PORCN: variants seen among roughly 807,000 people sequenced by gnomAD.
The protein encoded by PORCN is porcupine O-acyltransferase, also known as protein-serine O-palmitoleoyltransferase porcupine.
Under a neutral mutation model 43.0 loss-of-function variants are expected in PORCN, and 1 was observed. That is an observed-to-expected ratio of 0.02 (90% CI 0.01 to 0.11). The LOEUF is 0.11. PORCN is among the 10% of genes least tolerant of loss of function. The pLI, the probability that PORCN is intolerant of heterozygous loss-of-function variation, is 1.00. For missense variants in PORCN, 240 were observed against 392.1 expected, an observed-to-expected ratio of 0.61 and a Z score of 3.28; for synonymous variants, 148 against 166.4, an observed-to-expected ratio of 0.89 and a Z score of 0.85.
intron 1 of PORCN, chrX:48,509,528 T>C (rs1556973388): frequency 9.5e-7 from 1 of 1,053,799 alleles, no homozygotes; most frequent in Non-Finnish European, 1.2e-6. Context: ...ACTGGACTGT[T>C]CACAGCACTG....
rs1398971930 is a variant in PORCN, at chrX:48,512,700, G to A, written c.667G>A (p.Gly223Ser). 10 of 1,210,714 alleles carry A rather than the reference G, an allele frequency of 8.3e-6. No individual in the cohort carries two copies. The East Asian group carries it at 8.9e-5, about 11-fold the overall frequency. ...CTTCCCGTACTTCATCCCCCTCAACGGTGACCGCCTCCTTCGCAAGTGAGC... is the reference window on the plus strand; with the variant it reads ...CTTCCCGTACTTCATCCCCCTCAACAGTGACCGCCTCCTTCGCAAGTGAGC... Reference protein sequence around the residue: ...YLFPYFIPLNGDRLLRNKKRK... With the variant: ...YLFPYFIPLNSDRLLRNKKRK... Residue 223 changes from glycine (G) to serine (S), a missense_variant, in exon 6 of 15, where the codon GGT (glycine) becomes AGT (serine). By Grantham distance (56) the Gly-to-Ser change is moderately conservative. Transcript: ENST00000326194.
At chrX:48,516,197 G>C (rs367714008) in intron 13 of PORCN, 51 bp downstream of exon 13, 1 of 1,108,443 alleles carries the variant, frequency 9.0e-7, no homozygotes. Context: ...TGTCAAAAAT[G>C]TTCCTTCTAT....
rs1264797373 is a variant in PORCN, at chrX:48,515,719, G to C, written c.949G>C (p.Val317Leu). 2 of 1,205,579 alleles carry C rather than the reference G, an allele frequency of 1.7e-6. No individual in the cohort carries two copies. Among genetic ancestry groups the C allele is most frequent in the African/African-American group, 3.5e-5 (2 of 56,514 alleles). Residue 317 changes from valine to leucine, a missense_variant and splice_region_variant, in exon 11 of 15, where the codon GTT becomes CTT. By Grantham distance (32) the Val-to-Leu change is conservative. Transcript: ENST00000326194. Reference protein sequence around the residue: ...LPMSYWLNNYVFKNALRLGTF... With the variant: ...LPMSYWLNNYLFKNALRLGTF... ...ATCCCACATCTCTTCCCCTCCAGAT[G>C]TTTTCAAGAATGCTCTCCGCCTGGG...
rs1432118781 is a variant in PORCN, at chrX:48,520,746, C to T, written c.*270C>T. ...GAGAAGGGGAGATCCAGGGCCTCCC[C>T]GCCTTCCTTCTTCCTTTTTATATAC... On this transcript the variant is annotated 3_prime_UTR_variant, in exon 15 of 15. Transcript: ENST00000326194. The T allele has an allele frequency of 5.0e-6, 2 of 396,879 alleles. No individual in the cohort carries two copies. The highest frequency in any genetic ancestry group is 2.5e-5 in the African/African-American group (1 of 39,632). The allele number at this position is 396,879 out of a possible 1,213,427, so 32.7% of individuals were successfully genotyped here.
rs782249119 is a variant in PORCN at position 48,511,953 on chromosome X, T to C, written c.373+18T>C. The C allele has an allele frequency of 5.1e-6, 6 of 1,183,999 alleles. No homozygotes were observed. The highest frequency in any genetic ancestry group is 1.8e-5 in the South Asian group (1 of 56,165). On this transcript the variant is annotated intron_variant, in intron 4 of 14. Transcript: ENST00000326194. ...GATGCGAGGTAGGTAGCCCTGCCCC[T>C]CTCACCTGCCCAACCCCCCTGCCCC...
intron 4 of PORCN, 134 bp from the exon 5 acceptor site, chrX:48,512,192 C>A: frequency 1.4e-6 from 1 of 737,361 alleles, no homozygotes; most frequent in Non-Finnish European, 2.1e-6. Flanking sequence ...TCCTTGCCCA[C>A]CTGCCTATCT....
At chrX:48,511,175 CAA>C (rs1247189358) in intron 2 of PORCN, 118 bp from the exon 3 acceptor site, 1 of 659,862 alleles carries the variant, frequency 1.5e-6, no homozygotes, top group African/African-American at 2.2e-5. Context: ...ACTAGCCCAC[CAA>C]CCTTCTCTTT....
intron 6 of PORCN, 32 bp from the exon 7 acceptor site, chrX:48,512,803 T>C (rs1556974274): frequency 2.5e-6 from 3 of 1,212,416 alleles, no homozygotes; most frequent in Admixed American, 4.3e-5. Flanking sequence ...AGCCTGTCTC[T>C]TAATGCTTCT....
chrX:48,515,054 C>T (rs1277110644), intron 10 of PORCN, among the ~76,000 whole-genome samples: 8 of 111,767 alleles, frequency 7.2e-5, no homozygotes, highest in Non-Finnish European at 1.3e-4. Flanking sequence ...GGTCCTGAGG[C>T]GGGAACTTGC....
Position 48,520,529 on chromosome X carries a change from T to C in PORCN, c.*53T>C, listed in dbSNP as rs1002872236. ...CTTAAGACCCCTCTCAGGGTGCCAC[T>C]GATGGGGGATGAGGGAAGGCCCTCT... On this transcript the variant is annotated 3_prime_UTR_variant, in exon 15 of 15. Coordinates refer to ENST00000326194, the MANE Select transcript of PORCN (RefSeq NM_203475.3). The C allele has an allele frequency of 2.6e-5, 25 of 950,731 alleles. No homozygotes were observed. The African/African-American group carries it at 4.2e-4, about 16-fold the overall frequency. 78.4% of individuals were successfully genotyped at this position (950,731 alleles called of 1,213,427 possible).
At chrX:48,517,402 G>A in intron 14 of PORCN, 109 bp downstream of exon 14, 1 of 554,872 alleles carries the variant, frequency 1.8e-6, no homozygotes, top group Non-Finnish European at 3.1e-6. Context: ...CTCAGACTGT[G>A]CTGCTTCGCC....
At chrX:48,516,037 C>T in intron 12 of PORCN, 24 bp from the exon 13 acceptor site, 1 of 1,208,544 alleles carries the variant, frequency 8.3e-7, no homozygotes, top group Non-Finnish European at 1.1e-6. Flanking sequence ...AACCTGACCC[C>T]CTTACCTCTC....
intron 1 of PORCN, chrX:48,509,550 G>A (rs1556973397): frequency 1.9e-6 from 2 of 1,079,953 alleles, no homozygotes; most frequent in Admixed American, 5.5e-5. Flanking sequence ...AGAGACAGAG[G>A]TCCTTCATTC....
At chrX:48,515,656 C>A in intron 10 of PORCN, 61 bp from the exon 11 acceptor site, 1 of 963,597 alleles carries the variant, frequency 1.0e-6, no homozygotes, top group Non-Finnish European at 1.5e-6. Context: ...CTGCTGATGG[C>A]CCTCCAGGAG....
At chrX:48,519,377 C>T (rs782628921) in intron 14 of PORCN, among the ~76,000 whole-genome samples, 1 of 112,830 alleles carries the variant, frequency 8.9e-6, no homozygotes, top group Non-Finnish European at 1.9e-5. Flanking sequence ...ATGAATGATA[C>T]TGTTCTGCAA....
At position 48,512,645 on chromosome X, in the gene PORCN, T is replaced by G; in HGVS notation, c.612T>G (p.Leu204=). The change falls in exon 6 of 15, where the codon CTT becomes CTG. Residue 204 remains leucine, a synonymous_variant. Transcript: ENST00000326194. ...ARSLALALLC[L]VLSTCVGPYL... is the part of the protein sequence containing the mutation. ...GCCTGGCACTGGCCCTGCTGTGCCT[T>G]GTGCTGTCCACTTGCGTGGGCCCCT... 2 of 1,211,042 alleles carry G rather than the reference T, an allele frequency of 1.7e-6. No homozygotes were observed. Among genetic ancestry groups the G allele is most frequent in the Middle Eastern group, 4.6e-4 (2 of 4,354 alleles).
intron 7 of PORCN, among the ~76,000 whole-genome samples, chrX:48,513,160 G>C (rs1556974385): frequency 8.9e-6 from 1 of 112,692 alleles, no homozygotes; most frequent in Non-Finnish European, 1.9e-5. Flanking sequence ...CAGTGACTCT[G>C]TCTAGGGATA....
chrX:48,514,865 AG>A (rs1314699113), intron 10 of PORCN, among the ~76,000 whole-genome samples: 6 of 112,124 alleles, frequency 5.4e-5, no homozygotes, highest in Admixed American at 1.9e-4. Context: ...AAGGTGATCC[AG>A]GAGTGCTGGC....
chrX:48,515,480 G>A, intron 10 of PORCN: 1 of 441,083 alleles, frequency 2.3e-6, no homozygotes, highest in Non-Finnish European at 4.0e-6. Context: ...TAATTCCCAG[G>A]TTTTTGCCCT....
Sources: gnomAD v4.1 joint callset for allele counts (sites outside exome capture counted in the v4.1 genomes callset) on GRCh38, gnomAD v4.1.1 for gene constraint, MANE v1.5 for transcripts, NCBI Gene and HGNC (gene_info 2026-07-23, HGNC 2026-07-21) for gene names.